DPP6: variants seen among roughly 807,000 people sequenced by gnomAD.
The protein encoded by DPP6 is dipeptidyl peptidase like 6.
DPP6 carries 69 observed loss-of-function variants against 122.6 expected under a neutral mutation model. That is an observed-to-expected ratio of 0.56 (90% CI 0.46 to 0.69). DPP6 has a LOEUF of 0.69. Among genes scored for constraint, DPP6 ranks in the 30% least tolerant of loss-of-function variants. DPP6 has a pLI of 0.00. For missense variants in DPP6, 928 were observed against 1,116.9 expected (o/e 0.83, Z 2.41); for synonymous variants, 418 against 433.1 (o/e 0.97, Z 0.43).
chr7:154,117,906 A>T (rs1357015882), intron 1 of DPP6, among the ~76,000 whole-genome samples: 1 of 152,170 alleles, frequency 6.6e-6, no homozygotes. Flanking sequence ...ACCCAGTACC[A>T]TGAGACTGAG....
At chr7:154,860,997 G>T (rs555305744) in intron 17 of DPP6, among the ~76,000 whole-genome samples, 2 of 152,160 alleles carry the variant, frequency 1.3e-5, no homozygotes, top group South Asian at 2.1e-4. Context: ...GAAAGTAAAT[G>T]TTAAAAGAAA....
intron 1 of DPP6, among the ~76,000 whole-genome samples, chr7:154,420,024 G>A (rs530391040): frequency 4.6e-5 from 7 of 152,262 alleles, no homozygotes; most frequent in South Asian, 4.1e-4. Flanking sequence ...ACATACAATG[G>A]AATATTATTC....
At chr7:154,790,424 A>G (rs985534806) in intron 10 of DPP6, among the ~76,000 whole-genome samples, 1 of 152,220 alleles carries the variant, frequency 6.6e-6, no homozygotes, top group Admixed American at 6.5e-5. Context: ...GCTTCCTTAC[A>G]TAGAGGTGGA....
chr7:154,694,612 CA>C (rs34382588), intron 7 of DPP6, among the ~76,000 whole-genome samples: 25,274 of 147,832 alleles, frequency 0.17, 2,680 homozygotes, highest in African/African-American at 0.31. Flanking sequence ...GACTCCATCT[CA>C]AAAAAAAAAC....
chr7:154,083,836 T>C (rs1226738168), intron 1 of DPP6, among the ~76,000 whole-genome samples: 16 of 151,198 alleles, frequency 1.1e-4, no homozygotes, highest in Non-Finnish European at 1.6e-4. Flanking sequence ...AAGACAGGCA[T>C]GGATATTTCC....
At chr7:154,836,347 T>G (rs564377772) in intron 16 of DPP6, among the ~76,000 whole-genome samples, 48 of 152,350 alleles carry the variant, frequency 3.2e-4, no homozygotes, top group African/African-American at 1.1e-3. Flanking sequence ...GCCTCACCCA[T>G]GCCCAACCCA....
At chr7:154,468,703 G>A (rs1822001496) in intron 2 of DPP6, among the ~76,000 whole-genome samples, 1 of 152,164 alleles carries the variant, frequency 6.6e-6, no homozygotes, top group Admixed American at 6.6e-5. Flanking sequence ...TTAAAATAAA[G>A]CATAACTACA....
At chr7:154,281,077 A>G (rs982614458) in intron 1 of DPP6, among the ~76,000 whole-genome samples, 6 of 151,776 alleles carry the variant, frequency 4.0e-5, no homozygotes, top group East Asian at 3.9e-4. Context: ...CAGTGGCACA[A>G]TCTTGGCTCA....
At chr7:153,972,197 G>A (rs916166628) in intron 1 of DPP6, among the ~76,000 whole-genome samples, 1 of 151,124 alleles carries the variant, frequency 6.6e-6, no homozygotes, top group African/African-American at 2.4e-5. Context: ...AGAGGCAGAT[G>A]TGCTCTAGGA....
rs570889195 is a variant in DPP6 at position 154,241,420 on chromosome 7, C to T, written c.243+188357C>T. Among the ~76,000 whole-genome samples the T allele has an allele frequency of 3.9e-4, 59 of 152,086 alleles. No homozygotes were observed. The highest frequency in any genetic ancestry group is 1.8e-3 in the Admixed American group (27 of 15,276). On this transcript the variant is annotated intron_variant, in intron 1 of 25. Transcript: ENST00000377770. The surrounding 1 kb of genome is among the most constrained non-coding windows in gnomAD (Gnocchi z 9.0). ...GCAGGTCATGGTGACTCACACCTGG[C>T]GTGGAGGTGAGCACCTGTAGTCCTG...
At chr7:154,463,987 C>T (rs920769451) in intron 2 of DPP6, among the ~76,000 whole-genome samples, 2 of 152,154 alleles carry the variant, frequency 1.3e-5, no homozygotes, top group African/African-American at 4.8e-5. Context: ...TTGTGTGTCC[C>T]CCAAGTGTAC....
chr7:154,806,444 C>T (rs990902836), intron 15 of DPP6, among the ~76,000 whole-genome samples: 1 of 152,088 alleles, frequency 6.6e-6, no homozygotes, highest in Non-Finnish European at 1.5e-5. Flanking sequence ...TGTGTAGCTC[C>T]GTTGAGTGGG....
chr7:154,778,429 C>T (rs1053408030), intron 10 of DPP6, among the ~76,000 whole-genome samples: 2 of 152,074 alleles, frequency 1.3e-5, no homozygotes, highest in Non-Finnish European at 2.9e-5. Flanking sequence ...TGATGCGAAA[C>T]TCAGCCTTCT....
rs145985732 is a variant in DPP6 at position 154,168,721 on chromosome 7, G to A, written c.243+115658G>A. Among the ~76,000 whole-genome samples, 9 of 152,244 alleles carry A rather than the reference G, an allele frequency of 5.9e-5. No homozygotes were observed. The East Asian group carries it at 1.7e-3, about 29-fold the overall frequency. ...GACATCAGAACTGGTGAGGTGACAG[G>A]GATTTAGAGCGACTTGTCAAAGGGA... On this transcript the variant is annotated intron_variant, in intron 1 of 25. Transcript: ENST00000377770.
chr7:154,209,023 G>C (rs546614825), intron 1 of DPP6, among the ~76,000 whole-genome samples: 2 of 152,250 alleles, frequency 1.3e-5, no homozygotes, highest in Non-Finnish European at 1.5e-5. Context: ...ATTTAAGAAC[G>C]TGCTCAGCAG....
the DPP6 span, among the ~76,000 whole-genome samples, chr7:153,871,538 G>T: frequency 6.6e-6 from 1 of 152,184 alleles, no homozygotes; most frequent in Non-Finnish European, 1.5e-5. Context: ...CAATTTTCCA[G>T]GTGCCGTCTG....
intron 1 of DPP6, among the ~76,000 whole-genome samples, chr7:154,130,187 T>C (rs1272488442): frequency 6.6e-6 from 1 of 151,902 alleles, no homozygotes; most frequent in Non-Finnish European, 1.5e-5. Flanking sequence ...AAAGAGGAAC[T>C]AGTGAGGGGT....
intron 7 of DPP6, among the ~76,000 whole-genome samples, chr7:154,698,961 C>A (rs1840367286): frequency 6.6e-6 from 1 of 152,168 alleles, no homozygotes; most frequent in Non-Finnish European, 1.5e-5. Flanking sequence ...TCTGAGTAAC[C>A]TACAGACGGG....
the DPP6 span, among the ~76,000 whole-genome samples, chr7:153,759,016 T>A: frequency 6.6e-6 from 1 of 151,656 alleles, no homozygotes; most frequent in South Asian, 2.1e-4. Context: ...GGCTTCCGGT[T>A]CCCCCAAATC....
Sources: allele counts gnomAD v4.1 joint callset (sites outside exome capture counted in the v4.1 genomes callset), GRCh38; gene constraint gnomAD v4.1.1; non-coding constraint Gnocchi (gnomAD v3.1); transcripts MANE v1.5; gene names NCBI Gene and HGNC (gene_info 2026-07-23, HGNC 2026-07-21).